Variants in GFPT2 observed in about 807,000 individuals in gnomAD.
The protein encoded by GFPT2 is glutamine--fructose-6-phosphate aminotransferase [isomerizing] 2.
A neutral mutation model predicts 85.6 loss-of-function variants in GFPT2; 62 were observed. That is an observed-to-expected ratio of 0.72 (90% confidence interval 0.59 to 0.90). The LOEUF is 0.90. GFPT2 is among the 40% of genes least tolerant of loss of function. GFPT2 has a pLI of 0.00. For synonymous variants in GFPT2, 368 were observed against 344.5 expected, an observed-to-expected ratio of 1.07 and a Z score of -0.75; for missense variants, 788 against 893.4, an observed-to-expected ratio of 0.88 and a Z score of 1.50.
At chr5:180,327,631 G>A (rs1561879179) in intron 7 of GFPT2, among the ~76,000 whole-genome samples, 1 of 152,228 alleles carries the variant, frequency 6.6e-6, no homozygotes, top group African/African-American at 2.4e-5. Context: ...TAAGTCCCCA[G>A]GGCCCAGCAC....
chr5:180,314,494 T>C (rs564689848), intron 13 of GFPT2, among the ~76,000 whole-genome samples: 1 of 152,382 alleles, frequency 6.6e-6, no homozygotes, highest in African/African-American at 2.4e-5. Flanking sequence ...GCTTCATGCA[T>C]AAACCAGCAC....
At position 180,318,770 on chromosome 5, in the gene GFPT2, C is replaced by T. The variant is rs546201550; in HGVS notation, c.958+23G>A. On this transcript the variant is annotated intron_variant, in intron 10 of 18. Coordinates refer to ENST00000253778, the MANE Select transcript of GFPT2 (RefSeq NM_005110.4). The surrounding 1 kb of genome is among the most constrained non-coding windows in gnomAD (Gnocchi z 4.2). ...CGCGCTGGCTCCCGAGGCTGCCGCA[C>T]GTGGACTCTGGAGGACACCTGCCTT... The T allele has an allele frequency of 1.6e-5, 25 of 1,607,874 alleles. No homozygotes were observed. The highest frequency in any genetic ancestry group is 1.1e-4 in the African/African-American group (8 of 74,922).
chr5:180,328,893 G>A lies in GFPT2; in HGVS notation c.535-555C>T, dbSNP rs998350686. ...AGCTAATGCACTGAGCCTGGCATCCGGAGACCCAAGAGAAGCACAGGTTGT... is the reference window on the plus strand; with the variant it reads ...AGCTAATGCACTGAGCCTGGCATCCAGAGACCCAAGAGAAGCACAGGTTGT... On this transcript the variant is annotated intron_variant, in intron 6 of 18. Coordinates refer to ENST00000253778, the MANE Select transcript of GFPT2 (RefSeq NM_005110.4). The surrounding 1 kb of genome is among the most constrained non-coding windows in gnomAD (Gnocchi z 5.4). Among the ~76,000 whole-genome samples the A allele has an allele frequency of 2.0e-5, 3 of 152,182 alleles. No individual in the cohort carries two copies. The highest frequency in any genetic ancestry group is 4.4e-5 in the Non-Finnish European group (3 of 68,022).
chr5:180,340,190 T>TG (rs970683932), intron 1 of GFPT2, among the ~76,000 whole-genome samples: 18 of 151,910 alleles, frequency 1.2e-4, no homozygotes, highest in Non-Finnish European at 2.2e-4. Context: ...GGAGGTTTTT[T>TG]TTTTTGTTTT....
chr5:180,337,380 G>A (rs1764422157), intron 2 of GFPT2, among the ~76,000 whole-genome samples: 1 of 151,652 alleles, frequency 6.6e-6, no homozygotes, highest in East Asian at 1.9e-4. Context: ...GTGAACCCAG[G>A]AGGCGGAGCT....
At chr5:180,336,163 A>G in intron 3 of GFPT2, 1 of 565,700 alleles carries the variant, frequency 1.8e-6, no homozygotes, top group Non-Finnish European at 3.1e-6. Context: ...ACTTCTTCAC[A>G]GAAATAAACT....
At chr5:180,352,501 CA>C (rs1275129011) in intron 1 of GFPT2, 8 of 449,912 alleles carry the variant, frequency 1.8e-5, no homozygotes, top group Non-Finnish European at 3.6e-5. Context: ...CCACGCGGGA[CA>C]GCGCGGGAGC....
chr5:180,336,355 C>A (rs1764394262), intron 3 of GFPT2, 124 bp downstream of exon 3: 1 of 744,472 alleles, frequency 1.3e-6, no homozygotes, highest in Non-Finnish European at 2.5e-6. Context: ...ACGGGCTTAG[C>A]CCTCCCTCTG....
rs768260672 is a variant in GFPT2, at chr5:180,316,954, A to G, written c.1054+9T>C. ...CGGGCGGAGGCTCCCCACCGAGTGT[A>G]GGAATTACCTGTGTTGGTTTCAAAA... On this transcript the variant is annotated intron_variant, in intron 11 of 18. Coordinates refer to ENST00000253778, the MANE Select transcript of GFPT2 (RefSeq NM_005110.4). The G allele has an allele frequency of 2.5e-6, 4 of 1,583,388 alleles. No individual in the cohort carries two copies. The East Asian group carries it at 8.9e-5, about 35-fold the overall frequency.
intron 1 of GFPT2, among the ~76,000 whole-genome samples, chr5:180,350,087 T>C (rs1216017425): frequency 6.6e-6 from 1 of 151,908 alleles, no homozygotes; most frequent in East Asian, 1.9e-4. Flanking sequence ...CGTGTCTGGG[T>C]CCTTGTGGCA....
At chr5:180,336,207 A>C (rs551889252) in intron 3 of GFPT2, 1 of 577,050 alleles carries the variant, frequency 1.7e-6, no homozygotes, top group East Asian at 2.9e-5. Flanking sequence ...TCCCTACCAT[A>C]AACAGAGAAG....
intron 1 of GFPT2, among the ~76,000 whole-genome samples, chr5:180,347,362 C>T (rs1199701129): frequency 6.6e-6 from 1 of 152,212 alleles, no homozygotes; most frequent in Non-Finnish European, 1.5e-5. Flanking sequence ...CCTGGCCCCA[C>T]CACCCAGTTT....
intron 1 of GFPT2, among the ~76,000 whole-genome samples, chr5:180,342,407 G>GTT (rs757456841): frequency 0.024 from 2,583 of 109,270 alleles, 166 homozygotes; most frequent in African/African-American, 0.051. Context: ...TAGGTGAAAT[G>GTT]TTTTTTTTTT....
At position 180,310,873 on chromosome 5, in the gene GFPT2, A is replaced by G. The variant is rs186628606; in HGVS notation, c.1546+1557T>C. Among the ~76,000 whole-genome samples the G allele has an allele frequency of 2.4e-3, 353 of 147,374 alleles. 5 individuals carry two copies. Among genetic ancestry groups the G allele is most frequent in the Admixed American group, 0.02 (302 of 14,782 alleles). ...AAAAAAAAAAAAAAAAATTTTTAGT[A>G]TAAAGAATGTATTACTATGTGAACA... On this transcript the variant is annotated intron_variant, in intron 15 of 18. Coordinates refer to ENST00000253778, the MANE Select transcript of GFPT2 (RefSeq NM_005110.4).
chr5:180,331,594 G>A (rs1382735901), intron 4 of GFPT2, 41 bp from the exon 5 acceptor site: 2 of 1,147,284 alleles, frequency 1.7e-6, no homozygotes, highest in African/African-American at 3.0e-5. Context: ...TGAGAAGGAG[G>A]TTCATGTCAG....
intron 4 of GFPT2, among the ~76,000 whole-genome samples, chr5:180,334,359 G>A (rs879945589): frequency 6.6e-6 from 1 of 152,202 alleles, no homozygotes; most frequent in Admixed American, 6.5e-5. Flanking sequence ...CTGGGGAGAA[G>A]CAGCACCACT....
intron 15 of GFPT2, among the ~76,000 whole-genome samples, chr5:180,308,100 C>CA (rs1763813662): frequency 6.6e-6 from 1 of 151,892 alleles, no homozygotes. Flanking sequence ...ACTAAAAATA[C>CA]AAAAAATTAG....
chr5:180,339,560 T>C (rs979609408), intron 1 of GFPT2, among the ~76,000 whole-genome samples: 1 of 152,206 alleles, frequency 6.6e-6, no homozygotes, highest in East Asian at 1.9e-4. Flanking sequence ...AGTTAGCCGT[T>C]GTGTTGGTTC....
chr5:180,313,825 G>T lies in GFPT2; in HGVS notation c.1413C>A (p.Ile471=). The T allele has an allele frequency of 1.3e-6, 2 of 1,571,922 alleles. No individual in the cohort carries two copies. The highest frequency in any genetic ancestry group is 8.6e-7 in the Non-Finnish European group (1 of 1,163,004). ...CTCCTACCTTGGTGCTGGCCACGCC[G>T]ATCTCCGGCCCTGCGTTGATGTGGA... ...CGVHINAGPE[I]GVASTKAYTS... The change falls in exon 14 of 19, where the codon ATC becomes ATA. Residue 471 remains isoleucine, a synonymous_variant. Transcript: ENST00000253778.
Sources: gnomAD v4.1 joint callset for allele counts (sites outside exome capture counted in the v4.1 genomes callset) on GRCh38, gnomAD v4.1.1 for gene constraint, Gnocchi (gnomAD v3.1) non-coding constraint, MANE v1.5 for transcripts, NCBI Gene and HGNC (gene_info 2026-07-23, HGNC 2026-07-21) for gene names.